SNRPN: variants seen among roughly 807,000 people sequenced by gnomAD.
SNRPN encodes small nuclear ribonucleoprotein-associated protein N.
In SNRPN, 7 loss-of-function variants were observed where a neutral mutation model predicts 25.2. The ratio of observed to expected loss-of-function variants is 0.28; its 90% CI spans 0.16 to 0.52. The LOEUF is 0.52. Ranked by LOEUF, SNRPN falls within the 20% of genes least tolerant of loss-of-function variation. SNRPN has a pLI of 0.96. For synonymous variants in SNRPN, 124 were observed against 110.6 expected (o/e 1.12, Z -0.76); for missense variants, 196 against 322.5 (o/e 0.61, Z 3.00).
At chr15:24,968,250 C>T in intron 3 of SNRPN, 168 bp downstream of exon 3, 1 of 527,424 alleles carries the variant, frequency 1.9e-6, no homozygotes, top group Non-Finnish European at 3.4e-6. Flanking sequence ...ATTTTCTGCC[C>T]TGACACTTTC....
intron 1 of SNRPN, among the ~76,000 whole-genome samples, chr15:24,873,678 A>G (rs2055485468): frequency 6.6e-6 from 1 of 151,884 alleles, no homozygotes; most frequent in South Asian, 2.1e-4. Context: ...CGATCTCCTG[A>G]CCTCGTGATC....
Position 24,978,645 on chromosome 15 carries a change from G to A in SNRPN, c.*201G>A. ...GATGAGATCTTAAGTTACTGTGGAT[G>A]AGGGTGATGCCTATTAAGCAGTTGA... is the stretch of plus-strand genomic sequence containing the variant. On this transcript the variant is annotated 3_prime_UTR_variant, in exon 10 of 10. Coordinates refer to ENST00000390687, the MANE Select transcript of SNRPN (RefSeq NM_003097.6). 1.6e-6 allele frequency: 1 copy of A among 614,558 alleles called. No homozygotes were observed. Among genetic ancestry groups the A allele is most frequent in the East Asian group, 2.7e-5 (1 of 36,624 alleles). 38.1% of individuals were successfully genotyped at this position (614,558 alleles called of 1,614,324 possible).
chr15:24,881,090 G>T (rs1250275675), intron 1 of SNRPN, among the ~76,000 whole-genome samples: 1 of 152,284 alleles, frequency 6.6e-6, no homozygotes, highest in African/African-American at 2.4e-5. Flanking sequence ...AGCCTCCACA[G>T]GGCAAGTCCT....
At chr15:24,936,209 A>G (rs1180246210) in intron 3 of SNRPN, among the ~76,000 whole-genome samples, 1 of 152,198 alleles carries the variant, frequency 6.6e-6, no homozygotes, top group East Asian at 1.9e-4. Context: ...ACCTGCTGCC[A>G]AAAGATACTT....
At chr15:24,863,938 T>C (rs905615930) in intron 1 of SNRPN, among the ~76,000 whole-genome samples, 1 of 150,890 alleles carries the variant, frequency 6.6e-6, no homozygotes. Context: ...TTGCTCTACT[T>C]TTAAGTTTCC....
intron 2 of SNRPN, chr15:24,910,927 T>G: frequency 1.3e-6 from 1 of 748,990 alleles, no homozygotes; most frequent in South Asian, 1.5e-5. Context: ...TTTCCTCCTG[T>G]AGGCTGGCAG....
chr15:24,878,937 C>A (rs2056303568), intron 1 of SNRPN, among the ~76,000 whole-genome samples: 1 of 151,980 alleles, frequency 6.6e-6, no homozygotes, highest in African/African-American at 2.4e-5. Flanking sequence ...CAGGGTCACA[C>A]TTTCGAAACC....
intron 3 of SNRPN, among the ~76,000 whole-genome samples, chr15:24,973,051 C>G (rs1303780157): frequency 6.6e-6 from 1 of 152,076 alleles, no homozygotes; most frequent in Non-Finnish European, 1.5e-5. Flanking sequence ...CCACACCCAG[C>G]TAATGTTTGT....
intron 2 of SNRPN, among the ~76,000 whole-genome samples, chr15:24,900,528 G>T (rs561759529): frequency 6.6e-6 from 1 of 151,810 alleles, no homozygotes; most frequent in Non-Finnish European, 1.5e-5. Context: ...TACCATTAAA[G>T]GGGATGCCCA....
intron 2 of SNRPN, among the ~76,000 whole-genome samples, chr15:24,844,459 T>C (rs1383628029): frequency 6.6e-6 from 1 of 152,208 alleles, no homozygotes; most frequent in Non-Finnish European, 1.5e-5. Flanking sequence ...CCATCTCGTC[T>C]TTCTCTTAAC....
chr15:24,853,482 C>T (rs1189776415), upstream of SNRPN, among the ~76,000 whole-genome samples: 2 of 152,178 alleles, frequency 1.3e-5, no homozygotes, highest in East Asian at 3.9e-4. Flanking sequence ...CAAGCTCCGC[C>T]TCCCAGGTTC....
chr15:24,892,854 A>G (rs1255345784), intron 2 of SNRPN, among the ~76,000 whole-genome samples: 1 of 152,174 alleles, frequency 6.6e-6, no homozygotes, highest in Non-Finnish European at 1.5e-5. Context: ...CTTTTTGTCA[A>G]TGGATAAGTT....
chr15:24,947,710 C>A (rs767629861), intron 3 of SNRPN, among the ~76,000 whole-genome samples: 3 of 152,178 alleles, frequency 2.0e-5, no homozygotes, highest in Non-Finnish European at 2.9e-5. Context: ...TTTAAAATAT[C>A]TTTCCACCCC....
chr15:24,893,939 C>T (rs1266737956), intron 2 of SNRPN, among the ~76,000 whole-genome samples: 1 of 152,142 alleles, frequency 6.6e-6, no homozygotes, highest in East Asian at 1.9e-4. Flanking sequence ...AATCCGTAAG[C>T]CTTTTATGAC....
intron 5 of SNRPN, 64 bp downstream of exon 5, chr15:24,975,573 G>A: frequency 7.3e-7 from 1 of 1,373,376 alleles, no homozygotes; most frequent in East Asian, 2.3e-5. Context: ...GGCCAGAGCT[G>A]GAGTAAGGGA....
chr15:24,883,672 A>T (rs1235053820), intron 1 of SNRPN, among the ~76,000 whole-genome samples: 1 of 152,132 alleles, frequency 6.6e-6, no homozygotes, highest in Non-Finnish European at 1.5e-5. Context: ...TATTATATTC[A>T]CTATATGATT....
At chr15:24,857,561 G>A (rs1167387012) in intron 1 of SNRPN, among the ~76,000 whole-genome samples, 1 of 143,448 alleles carries the variant, frequency 7.0e-6, no homozygotes, top group Non-Finnish European at 1.5e-5. Context: ...CATTTTTTAA[G>A]TTTTCATGCT....
chr15:24,924,537 C>A (rs996954701), intron 3 of SNRPN, among the ~76,000 whole-genome samples: 1 of 152,044 alleles, frequency 6.6e-6, no homozygotes, highest in Admixed American at 6.6e-5. Context: ...CCCCACATAA[C>A]CTCAGTTGAA....
intron 5 of SNRPN, among the ~76,000 whole-genome samples, chr15:24,976,097 A>G (rs1262765379): frequency 6.6e-6 from 1 of 152,252 alleles, no homozygotes; most frequent in Non-Finnish European, 1.5e-5. Context: ...ACATTCTGTA[A>G]AAGACTAAAG....
Sources: gnomAD v4.1 joint callset for allele counts (sites outside exome capture counted in the v4.1 genomes callset) on GRCh38, gnomAD v4.1.1 for gene constraint, MANE v1.5 for transcripts, NCBI Gene and HGNC (gene_info 2026-07-23, HGNC 2026-07-21) for gene names.